The following DAB1 variants were observed in gnomAD, a reference collection of about 807,000 sequenced individuals.
DAB1 encodes the protein disabled homolog 1.
A neutral mutation model predicts 64.6 loss-of-function variants in DAB1; 15 were observed. The ratio of observed to expected loss-of-function variants is 0.23; its 90% CI spans 0.16 to 0.36. DAB1 has a LOEUF of 0.36. Among genes scored for constraint, DAB1 ranks in the 10% least tolerant of loss-of-function variants. The pLI is 1.00. For missense variants in DAB1, 596 were observed against 706.7 expected (o/e 0.84, Z 1.78); for synonymous variants, 235 against 251.9 (o/e 0.93, Z 0.64).
chr1:57,479,337 C>T (rs1432086750), intron 7 of DAB1, among the ~76,000 whole-genome samples: 3 of 151,552 alleles, frequency 2.0e-5, no homozygotes, highest in Non-Finnish European at 4.4e-5. Flanking sequence ...GGATGCTGGT[C>T]GGTGGGACAT....
At chr1:58,137,011 G>A (rs1208632212) in intron 5 of DAB1, among the ~76,000 whole-genome samples, 1 of 152,032 alleles carries the variant, frequency 6.6e-6, no homozygotes, top group Non-Finnish European at 1.5e-5. Context: ...AAATGACATA[G>A]GTCAGATGGG....
intron 4 of DAB1, among the ~76,000 whole-genome samples, chr1:58,295,231 A>G (rs1661941641): frequency 6.6e-6 from 1 of 152,206 alleles, no homozygotes. Context: ...GGTTCCTGGC[A>G]CATAGTAGGT....
intron 3 of DAB1, among the ~76,000 whole-genome samples, chr1:58,374,407 G>A: frequency 2.1e-5 from 3 of 145,208 alleles, no homozygotes; most frequent in Non-Finnish European, 3.0e-5. Context: ...TGGCTAGCCA[G>A]TTTTCCCAGC....
intron 7 of DAB1, among the ~76,000 whole-genome samples, chr1:57,595,308 TAATTATTTTAGAAA>T (rs1191409028): frequency 1.3e-5 from 2 of 152,122 alleles, no homozygotes; most frequent in Non-Finnish European, 2.9e-5. Flanking sequence ...TTATTTAGAA[TAATTATTTTAGAAA>T]AGTCATTGTG....
At chr1:57,451,727 G>A (rs1686374959) in intron 7 of DAB1, among the ~76,000 whole-genome samples, 1 of 152,142 alleles carries the variant, frequency 6.6e-6, no homozygotes. Flanking sequence ...AGGCTTTCAT[G>A]GAATCAGCAG....
chr1:57,693,582 C>T (rs193215277), intron 6 of DAB1, among the ~76,000 whole-genome samples: 35 of 152,290 alleles, frequency 2.3e-4, no homozygotes, highest in African/African-American at 4.8e-4. Flanking sequence ...AAGACAGCAG[C>T]GGCAACCTGC....
intron 2 of DAB1, among the ~76,000 whole-genome samples, chr1:57,157,898 T>A (rs993431204): frequency 2.0e-5 from 3 of 152,160 alleles, no homozygotes. Context: ...AGGAAAGAAC[T>A]GCAACACATT....
chr1:57,687,418 T>C lies in DAB1; in HGVS notation n.552-37753A>G, dbSNP rs903818992. On this transcript the variant is annotated intron_variant and non_coding_transcript_variant, in intron 6 of 20. Transcript: ENST00000485760. ...CACAAATAAATGGAAAAACACTCCA[T>C]GCTCATGAATTGGAAGAATTAATAT... Among the ~76,000 whole-genome samples, 3 of 151,962 alleles carry C rather than the reference T, an allele frequency of 2.0e-5. No homozygotes were observed. The East Asian group carries it at 5.8e-4, about 29-fold the overall frequency.
At chr1:57,388,347 T>A (rs1682058479) in intron 1 of DAB1, among the ~76,000 whole-genome samples, 1 of 152,218 alleles carries the variant, frequency 6.6e-6, no homozygotes, top group South Asian at 2.1e-4. Context: ...GCCCTGTTCC[T>A]TGGCTAAAAT....
At chr1:58,192,456 T>C (rs2100234169) in intron 4 of DAB1, among the ~76,000 whole-genome samples, 1 of 152,306 alleles carries the variant, frequency 6.6e-6, no homozygotes, top group African/African-American at 2.4e-5. Context: ...TGTCTATTAT[T>C]CTACTCTATG....
In DAB1 at chr1:57,235,591, C is replaced by G. The variant is rs534386089; in HGVS notation, c.67+55373G>C. 1.3e-3 allele frequency among the ~76,000 whole-genome samples: 193 copies of G among 151,946 alleles called. 3 individuals carry two copies. Among genetic ancestry groups the G allele is most frequent in the African/African-American group, 4.3e-3 (179 of 41,474 alleles). On this transcript the variant is annotated intron_variant, in intron 2 of 14. Coordinates refer to ENST00000371236, the MANE Select transcript of DAB1 (RefSeq NM_001365792.1). ...AAGAATTATTATTACTTGAATTTTA[C>G]AGATAACTTAAGGTTCAAGTAACTT...
intron 1 of DAB1, among the ~76,000 whole-genome samples, chr1:57,362,061 A>G (rs1263059137): frequency 6.6e-6 from 1 of 152,160 alleles, no homozygotes; most frequent in Non-Finnish European, 1.5e-5. Flanking sequence ...GAGTTAAACA[A>G]TTATATAGAA....
chr1:57,447,884 T>C (rs967607392), intron 7 of DAB1, among the ~76,000 whole-genome samples: 7 of 152,164 alleles, frequency 4.6e-5, no homozygotes, highest in Admixed American at 2.0e-4. Flanking sequence ...CATTTTAGGA[T>C]TCTTGTTCTA....
At chr1:57,492,384 T>C (rs894722457) in intron 7 of DAB1, among the ~76,000 whole-genome samples, 14 of 152,180 alleles carry the variant, frequency 9.2e-5, no homozygotes, top group Admixed American at 9.2e-4. Context: ...AACGTCAGGA[T>C]TTGGGGTGGT....
chr1:57,475,057 C>T (rs1473724075), intron 7 of DAB1, among the ~76,000 whole-genome samples: 3 of 152,046 alleles, frequency 2.0e-5, no homozygotes, highest in Non-Finnish European at 2.9e-5. Flanking sequence ...GTCAGGAGCT[C>T]GAGACCAGTC....
At chr1:57,584,747 C>G (rs1341149946) in intron 7 of DAB1, among the ~76,000 whole-genome samples, 1 of 152,190 alleles carries the variant, frequency 6.6e-6, no homozygotes, top group African/African-American at 2.4e-5. Flanking sequence ...CAAGCAATGC[C>G]TAGAGAAGTA....
intron 6 of DAB1, among the ~76,000 whole-genome samples, chr1:57,683,697 AG>A (rs1326069503): frequency 6.6e-6 from 1 of 152,220 alleles, no homozygotes; most frequent in African/African-American, 2.4e-5. Context: ...AGTCAGTGCA[AG>A]AACTCTGGCA....
At chr1:57,920,617 C>G (rs1407595820) in intron 5 of DAB1, among the ~76,000 whole-genome samples, 1 of 152,054 alleles carries the variant, frequency 6.6e-6, no homozygotes, top group African/African-American at 2.4e-5. Flanking sequence ...GGTTCAAATC[C>G]CAGATCCACT....
chr1:57,799,484 C>T (rs1240492401), intron 6 of DAB1, among the ~76,000 whole-genome samples: 1 of 150,440 alleles, frequency 6.6e-6, no homozygotes, highest in Admixed American at 6.6e-5. Flanking sequence ...GCCAGAGCCA[C>T]GGTTTCAAAG....
Sources: allele counts gnomAD v4.1 joint callset (sites outside exome capture counted in the v4.1 genomes callset), GRCh38; gene constraint gnomAD v4.1.1; transcripts MANE v1.5; gene names NCBI Gene and HGNC (gene_info 2026-07-23, HGNC 2026-07-21).